Variants in ZNF385B observed in about 807,000 individuals in gnomAD.
ZNF385B encodes zinc finger protein 385B, also known as zinc finger protein 533.
A neutral mutation model predicts 39.2 loss-of-function variants in ZNF385B; 23 were observed. The observed-to-expected ratio is 0.59, with a 90% CI of 0.42 to 0.83. The LOEUF (loss-of-function observed/expected upper bound fraction) is 0.83, where lower values mean the gene tolerates loss of function less well. Among genes scored for constraint, ZNF385B ranks in the 40% least tolerant of loss-of-function variants. The pLI, the probability that ZNF385B is intolerant of heterozygous loss-of-function variation, is 0.00. For synonymous variants in ZNF385B, 205 were observed against 222.6 expected, an observed-to-expected ratio of 0.92 and a Z score of 0.70; for missense variants, 552 against 598.9, an observed-to-expected ratio of 0.92 and a Z score of 0.82.
chr2:179,604,831 G>A (rs1688673992), intron 3 of ZNF385B, among the ~76,000 whole-genome samples: 1 of 152,042 alleles, frequency 6.6e-6, no homozygotes, highest in Non-Finnish European at 1.5e-5. Flanking sequence ...ATTTACAATT[G>A]TGAAATGTCA....
At chr2:179,738,143 A>T (rs982249019) in intron 3 of ZNF385B, among the ~76,000 whole-genome samples, 2 of 152,250 alleles carry the variant, frequency 1.3e-5, no homozygotes, top group African/African-American at 4.8e-5. Context: ...GAACGCCTTC[A>T]TCTTCAGACT....
intron 1 of ZNF385B, among the ~76,000 whole-genome samples, chr2:179,837,234 A>T (rs1388205472): frequency 9.9e-5 from 15 of 152,234 alleles, no homozygotes; most frequent in Admixed American, 9.8e-4. Flanking sequence ...CCAATATTTA[A>T]AGTAAACTAT....
At chr2:179,641,063 G>A (rs1433415398) in intron 3 of ZNF385B, among the ~76,000 whole-genome samples, 9 of 147,232 alleles carry the variant, frequency 6.1e-5, no homozygotes, top group East Asian at 6.0e-4. Flanking sequence ...TCTACATTAT[G>A]TCCATAATGT....
chr2:179,512,960 G>T (rs766153345), intron 5 of ZNF385B, among the ~76,000 whole-genome samples: 5 of 152,148 alleles, frequency 3.3e-5, no homozygotes, highest in African/African-American at 4.8e-5. Context: ...CTAGACAAAG[G>T]GGGGTACAGG....
intron 5 of ZNF385B, among the ~76,000 whole-genome samples, chr2:179,493,544 T>C (rs898404312): frequency 1.3e-5 from 2 of 150,760 alleles, no homozygotes; most frequent in South Asian, 2.1e-4. Context: ...TGCGTATACA[T>C]ACGTGTACAT....
At chr2:179,561,945 G>C (rs1175902438) in intron 3 of ZNF385B, among the ~76,000 whole-genome samples, 2 of 152,134 alleles carry the variant, frequency 1.3e-5, no homozygotes, top group East Asian at 3.9e-4. Context: ...TTTGATTACA[G>C]GCTACCAGCC....
intron 3 of ZNF385B, among the ~76,000 whole-genome samples, chr2:179,671,134 A>G (rs1192676947): frequency 6.6e-6 from 1 of 152,188 alleles, no homozygotes; most frequent in Non-Finnish European, 1.5e-5. Flanking sequence ...AAGTATAAAA[A>G]CTTTGTCTAT....
intron 3 of ZNF385B, among the ~76,000 whole-genome samples, chr2:179,767,167 T>C (rs926654237): frequency 6.6e-6 from 1 of 152,186 alleles, no homozygotes; most frequent in African/African-American, 2.4e-5. Context: ...GATGCAGCTA[T>C]CTCACAAGGG....
At chr2:179,449,328 T>C (rs2049837590) in intron 6 of ZNF385B, among the ~76,000 whole-genome samples, 1 of 152,210 alleles carries the variant, frequency 6.6e-6, no homozygotes, top group East Asian at 1.9e-4. Context: ...AAGCATAGAA[T>C]AGGGTTGAAA....
At chr2:179,501,340 A>G (rs758837520) in intron 5 of ZNF385B, among the ~76,000 whole-genome samples, 1 of 152,216 alleles carries the variant, frequency 6.6e-6, no homozygotes, top group Non-Finnish European at 1.5e-5. Context: ...GAGCAATGTA[A>G]GAGTCCATCA....
intron 3 of ZNF385B, among the ~76,000 whole-genome samples, chr2:179,683,054 A>T (rs751248340): frequency 6.6e-6 from 1 of 152,182 alleles, no homozygotes; most frequent in Non-Finnish European, 1.5e-5. Flanking sequence ...ATTAGGTACA[A>T]TTAAAAAAAG....
chr2:179,591,545 T>C (rs1330515786), intron 3 of ZNF385B, among the ~76,000 whole-genome samples: 1 of 152,170 alleles, frequency 6.6e-6, no homozygotes, highest in African/African-American at 2.4e-5. Context: ...TCTTTGCTGA[T>C]GAAATTTTAA....
chr2:179,616,494 G>T (rs970038134), intron 3 of ZNF385B, among the ~76,000 whole-genome samples: 1 of 151,216 alleles, frequency 6.6e-6, no homozygotes, highest in Non-Finnish European at 1.5e-5. Flanking sequence ...TCACCACGCC[G>T]GGCTAATTTT....
chr2:179,505,991 A>C (rs7587761), intron 5 of ZNF385B, among the ~76,000 whole-genome samples: 126,710 of 151,974 alleles, frequency 0.83, 53,117 homozygotes, highest in East Asian at 0.92. Flanking sequence ...TATATGTAAG[A>C]CTAAAATGAG....
At chr2:179,515,945 C>T (rs949629755) in intron 5 of ZNF385B, among the ~76,000 whole-genome samples, 2 of 150,688 alleles carry the variant, frequency 1.3e-5, no homozygotes, top group African/African-American at 4.9e-5. Flanking sequence ...AACCCTTAGC[C>T]CCTGTTAACT....
At chr2:179,819,876 T>A (rs1159906829) in intron 1 of ZNF385B, among the ~76,000 whole-genome samples, 1 of 152,192 alleles carries the variant, frequency 6.6e-6, no homozygotes, top group Admixed American at 6.5e-5. Context: ...TGTATTATAC[T>A]TTTTTCATAT....
chr2:179,687,782 A>G (rs750671256), intron 3 of ZNF385B, among the ~76,000 whole-genome samples: 6 of 152,216 alleles, frequency 3.9e-5, no homozygotes, highest in Non-Finnish European at 7.3e-5. Flanking sequence ...AATAGTAGTA[A>G]CAATACTACT....
intron 3 of ZNF385B, among the ~76,000 whole-genome samples, chr2:179,621,642 C>A (rs2106162791): frequency 6.6e-6 from 1 of 152,290 alleles, no homozygotes; most frequent in Non-Finnish European, 1.5e-5. Context: ...TCCCTACCTT[C>A]CTTTACTTCC....
chr2:179,709,011 G>T (rs562609656), intron 3 of ZNF385B, among the ~76,000 whole-genome samples: 13 of 152,134 alleles, frequency 8.5e-5, no homozygotes, highest in Non-Finnish European at 1.8e-4. Context: ...AGAGGCGTTT[G>T]GCACATACCA....
Sources: gnomAD v4.1 joint callset for allele counts (sites outside exome capture counted in the v4.1 genomes callset) on GRCh38, gnomAD v4.1.1 for gene constraint, MANE v1.5 for transcripts, NCBI Gene and HGNC (gene_info 2026-07-23, HGNC 2026-07-21) for gene names.